The following PLCXD3 variants were observed in gnomAD, a reference collection of about 807,000 sequenced individuals.
PLCXD3 encodes the protein PI-PLC X domain-containing protein 3.
Under a neutral mutation model 25.5 loss-of-function variants are expected in PLCXD3, and 19 were observed. The observed-to-expected ratio is 0.75, with a 90% CI of 0.52 to 1.09. The LOEUF (loss-of-function observed/expected upper bound fraction) is 1.09, where lower values mean the gene tolerates loss of function less well. PLCXD3 is among the 50% of genes least tolerant of loss of function. The probability of loss-of-function intolerance (pLI) is 0.00; values close to 1 mark genes in which losing one functional copy is unlikely to be tolerated. For missense variants in PLCXD3, 411 were observed against 388.1 expected (o/e 1.06, Z -0.50); for synonymous variants, 174 against 137.6 (o/e 1.26, Z -1.85).
chr5:41,503,937 C>A (rs1036369798), intron 1 of PLCXD3, among the ~76,000 whole-genome samples: 1 of 151,898 alleles, frequency 6.6e-6, no homozygotes, highest in Admixed American at 6.6e-5. Flanking sequence ...GAAAACACAG[C>A]TTTCCCCTTT....
intron 1 of PLCXD3, among the ~76,000 whole-genome samples, chr5:41,402,863 G>T (rs1434299672): frequency 1.3e-5 from 2 of 151,746 alleles, no homozygotes; most frequent in East Asian, 1.9e-4. Flanking sequence ...TATCATTTTT[G>T]TATTTTTACT....
At chr5:41,491,286 G>A (rs1014366981) in intron 1 of PLCXD3, among the ~76,000 whole-genome samples, 3 of 152,240 alleles carry the variant, frequency 2.0e-5, no homozygotes, top group African/African-American at 7.2e-5. Flanking sequence ...TGATTGCACT[G>A]TGGTCTGAGA....
In PLCXD3 at chr5:41,441,489, A is replaced by C. The variant is rs375544970; in HGVS notation, c.104-58955T>G. On this transcript the variant is annotated intron_variant, in intron 1 of 2. Transcript: ENST00000377801. ...ATTTTATGGCCAAAATTAGTTTCTC[A>C]CCTGGGAAAGCTTCTCTAAACAGTC... 2.6e-5 allele frequency among the ~76,000 whole-genome samples: 4 copies of C among 152,278 alleles called. No individual in the cohort carries two copies. The East Asian group carries it at 7.7e-4, about 29-fold the overall frequency.
chr5:41,416,560 TC>T (rs1182763273), intron 1 of PLCXD3, among the ~76,000 whole-genome samples: 2 of 152,116 alleles, frequency 1.3e-5, no homozygotes, highest in Non-Finnish European at 2.9e-5. Context: ...GAGTAAATGT[TC>T]CAAGCAACCA....
At chr5:41,365,167 A>G (rs1314360707) in intron 2 of PLCXD3, among the ~76,000 whole-genome samples, 1 of 152,146 alleles carries the variant, frequency 6.6e-6, no homozygotes, top group African/African-American at 2.4e-5. Flanking sequence ...ATGTTTTCAA[A>G]TCCAAGCACA....
At chr5:41,324,424 C>T (rs994147061) in intron 2 of PLCXD3, among the ~76,000 whole-genome samples, 3 of 152,162 alleles carry the variant, frequency 2.0e-5, no homozygotes, top group Non-Finnish European at 4.4e-5. Flanking sequence ...TCAGCATATA[C>T]ATTTTCCTGT....
At chr5:41,369,644 C>T (rs1198200600) in intron 2 of PLCXD3, among the ~76,000 whole-genome samples, 1 of 152,012 alleles carries the variant, frequency 6.6e-6, no homozygotes, top group Non-Finnish European at 1.5e-5. Context: ...CCATGTCCAG[C>T]TAATTTTTTT....
At chr5:41,336,180 G>A (rs1293566445) in intron 2 of PLCXD3, among the ~76,000 whole-genome samples, 1 of 151,994 alleles carries the variant, frequency 6.6e-6, no homozygotes, top group Non-Finnish European at 1.5e-5. Flanking sequence ...AATAATAATG[G>A]TACTACTTCA....
At chr5:41,449,372 G>T (rs1747576481) in intron 1 of PLCXD3, among the ~76,000 whole-genome samples, 1 of 152,112 alleles carries the variant, frequency 6.6e-6, no homozygotes, top group South Asian at 2.1e-4. Flanking sequence ...ATAGTCAGTG[G>T]TCAAATTTCA....
chr5:41,342,945 G>A (rs886352610), intron 2 of PLCXD3, among the ~76,000 whole-genome samples: 4 of 152,084 alleles, frequency 2.6e-5, no homozygotes, highest in Non-Finnish European at 5.9e-5. Context: ...AAGAATAATG[G>A]ATGGGTCCTA....
intron 2 of PLCXD3, among the ~76,000 whole-genome samples, chr5:41,330,711 A>G (rs916732067): frequency 1.3e-5 from 2 of 152,202 alleles, no homozygotes; most frequent in African/African-American, 2.4e-5. Flanking sequence ...ATACTGGCAA[A>G]CCGAATCCAG....
At chr5:41,342,392 T>C (rs1410058444) in intron 2 of PLCXD3, among the ~76,000 whole-genome samples, 3 of 152,100 alleles carry the variant, frequency 2.0e-5, no homozygotes, top group African/African-American at 7.2e-5. Flanking sequence ...ATTCAGGAAA[T>C]AGTACTGATT....
Position 41,459,084 on chromosome 5 carries a change from G to A in PLCXD3, c.103+51340C>T, listed in dbSNP as rs373584376. 2.6e-5 allele frequency among the ~76,000 whole-genome samples: 4 copies of A among 151,832 alleles called. 1 individual carries two copies. The highest frequency in any genetic ancestry group is 5.9e-5 in the Non-Finnish European group (4 of 67,868). On this transcript the variant is annotated intron_variant, in intron 1 of 2. Coordinates refer to ENST00000377801, the MANE Select transcript of PLCXD3 (RefSeq NM_001005473.3). ...GAAAAATATTTTCCTTCAATGCCAAGTACTCTTTCAAGGGTCTAAATAGAA... is the reference window on the plus strand; with the variant it reads ...GAAAAATATTTTCCTTCAATGCCAAATACTCTTTCAAGGGTCTAAATAGAA...
At chr5:41,471,818 G>GTCCCC (rs1410999961) in intron 1 of PLCXD3, among the ~76,000 whole-genome samples, 1 of 23,466 alleles carries the variant, frequency 4.3e-5, no homozygotes, top group African/African-American at 2.4e-4. Context: ...CTCCCCTCCC[G>GTCCCC]TCCCCTCCCC....
intron 1 of PLCXD3, among the ~76,000 whole-genome samples, chr5:41,412,597 A>T (rs541594756): frequency 6.0e-4 from 92 of 152,252 alleles, no homozygotes; most frequent in Admixed American, 2.9e-3. Flanking sequence ...CTTGATAATG[A>T]CCTTCTAATC....
At chr5:41,395,034 A>C (rs553565678) in intron 1 of PLCXD3, among the ~76,000 whole-genome samples, 1 of 152,292 alleles carries the variant, frequency 6.6e-6, no homozygotes, top group South Asian at 2.1e-4. Context: ...TCTTTTCCTC[A>C]GCACATGGAT....
At chr5:41,406,469 C>A (rs907405939) in intron 1 of PLCXD3, among the ~76,000 whole-genome samples, 3 of 152,132 alleles carry the variant, frequency 2.0e-5, no homozygotes, top group African/African-American at 7.2e-5. Context: ...TGTTTGTCCA[C>A]TGTTACATTT....
chr5:41,373,325 A>C (rs1745183511), intron 2 of PLCXD3, among the ~76,000 whole-genome samples: 2 of 152,110 alleles, frequency 1.3e-5, no homozygotes, highest in Non-Finnish European at 2.9e-5. Flanking sequence ...ACTTTTTGAC[A>C]CATAGGACCT....
At chr5:41,362,729 C>T (rs10512775) in intron 2 of PLCXD3, among the ~76,000 whole-genome samples, 13,500 of 152,136 alleles carry the variant, frequency 0.089, 899 homozygotes, top group East Asian at 0.35. Context: ...TTACTGCTTG[C>T]TATTTTACTG....
Sources: gnomAD v4.1 joint callset for allele counts (sites outside exome capture counted in the v4.1 genomes callset) on GRCh38, gnomAD v4.1.1 for gene constraint, MANE v1.5 for transcripts, NCBI Gene and HGNC (gene_info 2026-07-23, HGNC 2026-07-21) for gene names.